The following C8orf89 variants were observed in gnomAD, a reference collection of about 807,000 sequenced individuals.
C8orf89 encodes the protein chromosome 8 open reading frame 89, also known as putative uncharacterized protein C8orf89.
C8orf89 carries 14 observed loss-of-function variants against 15.8 expected under a neutral mutation model. That is an observed-to-expected ratio of 0.89 (90% CI 0.59 to 1.39). The LOEUF is 1.39. Among genes scored for constraint, C8orf89 ranks in the 40% most tolerant of loss-of-function variants. C8orf89 has a pLI of 0.00. For synonymous variants in C8orf89, 55 were observed against 62.2 expected (o/e 0.88, Z 0.54); for missense variants, 181 against 184.5 (o/e 0.98, Z 0.11).
chr8:73,260,980 C>T (rs1425430521), upstream of C8orf89, among the ~76,000 whole-genome samples: 1 of 152,150 alleles, frequency 6.6e-6, no homozygotes, highest in Non-Finnish European at 1.5e-5. Context: ...ATCTTTCTCC[C>T]ATGCTGGATG....
At chr8:73,260,965 C>A (rs551803189), upstream of C8orf89, among the ~76,000 whole-genome samples, 3 of 152,074 alleles carry the variant, frequency 2.0e-5, no homozygotes, top group Non-Finnish European at 2.9e-5. Flanking sequence ...AGTCTTCTGG[C>A]CTTCATCTTT....
chr8:73,243,561 G>C (rs116318550), intron 3 of C8orf89, among the ~76,000 whole-genome samples: 3 of 152,046 alleles, frequency 2.0e-5, no homozygotes, highest in African/African-American at 7.2e-5. Context: ...ATGGAATCTT[G>C]CTCTGTCACC....
At chr8:73,275,165 G>A in the C8orf89 span, among the ~76,000 whole-genome samples, 2 of 150,328 alleles carry the variant, frequency 1.3e-5, no homozygotes, top group African/African-American at 4.9e-5. Context: ...CTGAATAAGT[G>A]GTTATCTCTA....
At chr8:73,277,721 G>A in the C8orf89 span, 1 of 749,260 alleles carries the variant, frequency 1.3e-6, no homozygotes, top group African/African-American at 1.7e-5. Flanking sequence ...ACTGCATAGA[G>A]GGGGACACCC....
chr8:73,258,926 G>C (rs1366666229), intron 1 of C8orf89, among the ~76,000 whole-genome samples: 1 of 152,178 alleles, frequency 6.6e-6, no homozygotes, highest in East Asian at 1.9e-4. Flanking sequence ...CACTGTGCCT[G>C]GCTTTGGTTA....
At chr8:73,259,114 A>G (rs73686906) in intron 1 of C8orf89, among the ~76,000 whole-genome samples, 14 of 152,216 alleles carry the variant, frequency 9.2e-5, no homozygotes, top group African/African-American at 3.4e-4. Flanking sequence ...TTAAAAAAAA[A>G]GAAATACAGC....
intron 1 of C8orf89, among the ~76,000 whole-genome samples, chr8:73,258,191 CA>C (rs1813443792): frequency 6.6e-6 from 1 of 152,082 alleles, no homozygotes; most frequent in Non-Finnish European, 1.5e-5. Flanking sequence ...GTGGGCAGAT[CA>C]CAAGGTCAGG....
At chr8:73,241,977 A>T (rs1156383564) in intron 3 of C8orf89, among the ~76,000 whole-genome samples, 1 of 151,806 alleles carries the variant, frequency 6.6e-6, no homozygotes, top group Non-Finnish European at 1.5e-5. Context: ...GCATCTCTCG[A>T]CATATAAAAA....
chr8:73,278,509 G>A, the C8orf89 span, among the ~76,000 whole-genome samples: 1 of 152,142 alleles, frequency 6.6e-6, no homozygotes, highest in African/African-American at 2.4e-5. Context: ...CAGGCCCCTG[G>A]AAGTAAAATT....
chr8:73,249,696 C>T (rs2605887), intron 3 of C8orf89, among the ~76,000 whole-genome samples: 8,700 of 152,122 alleles, frequency 0.057, 327 homozygotes, highest in East Asian at 0.13. Context: ...TACCATAAAC[C>T]CTTTTAGTCA....
At chr8:73,272,982 A>C in the C8orf89 span, among the ~76,000 whole-genome samples, 98 of 152,330 alleles carry the variant, frequency 6.4e-4, no homozygotes, top group Admixed American at 2.3e-3. Flanking sequence ...TGATGCCCTT[A>C]ATCTCTCTCC....
chr8:73,263,773 A>G (rs889428927), upstream of C8orf89, among the ~76,000 whole-genome samples: 4 of 152,188 alleles, frequency 2.6e-5, no homozygotes, highest in African/African-American at 9.7e-5. Context: ...AAATGAATGA[A>G]CCAAGTTTAT....
At chr8:73,256,125 A>G (rs1408281800) in intron 2 of C8orf89, among the ~76,000 whole-genome samples, 1 of 140,928 alleles carries the variant, frequency 7.1e-6, no homozygotes, top group African/African-American at 2.9e-5. Flanking sequence ...TAAAAAATAA[A>G]TAACAAATAA....
At chr8:73,257,236 TA>T in intron 1 of C8orf89, 110 bp from the exon 2 acceptor site, 1 of 649,906 alleles carries the variant, frequency 1.5e-6, no homozygotes, top group Non-Finnish European at 2.4e-6. Context: ...TAAAGAAAAT[TA>T]AGCAACTGTA....
chr8:73,264,869 A>C, the C8orf89 span, among the ~76,000 whole-genome samples: 11 of 152,170 alleles, frequency 7.2e-5, no homozygotes, highest in African/African-American at 2.7e-4. Flanking sequence ...AGTGAAGAGC[A>C]CTCTTCACAA....
chr8:73,259,563 G>A (rs79654397), upstream of C8orf89: 22,541 of 658,032 alleles, frequency 0.034, 453 homozygotes, highest in African/African-American at 0.067. Context: ...AAACAGATGT[G>A]TCATAATGTT....
chr8:73,255,873 AC>A (rs1374478093), intron 2 of C8orf89, among the ~76,000 whole-genome samples: 1 of 149,176 alleles, frequency 6.7e-6, no homozygotes, highest in African/African-American at 2.5e-5. Flanking sequence ...AAAACCAAAC[AC>A]CGCATATTCT....
chr8:73,285,844 T>C, the C8orf89 span, among the ~76,000 whole-genome samples: 1 of 152,138 alleles, frequency 6.6e-6, no homozygotes, highest in East Asian at 1.9e-4. Flanking sequence ...GCTCCCACAT[T>C]CACCACTCCT....
the C8orf89 span, among the ~76,000 whole-genome samples, chr8:73,280,742 T>TATAC: frequency 4.0e-5 from 6 of 150,052 alleles, no homozygotes; most frequent in African/African-American, 1.5e-4. Context: ...CATATATATA[T>TATAC]ACACACACAC....
Sources: gnomAD v4.1 joint callset for allele counts (sites outside exome capture counted in the v4.1 genomes callset) on GRCh38, gnomAD v4.1.1 for gene constraint, MANE v1.5 for transcripts, NCBI Gene and HGNC (gene_info 2026-07-23, HGNC 2026-07-21) for gene names.